ANKRD6: variants seen among roughly 807,000 people sequenced by gnomAD.
ANKRD6 encodes ankyrin repeat domain-containing protein 6.
ANKRD6 carries 56 observed loss-of-function variants against 82.3 expected under a neutral mutation model. That is an observed-to-expected ratio of 0.68 (90% CI 0.55 to 0.85). ANKRD6 has a LOEUF of 0.85. Among genes scored for constraint, ANKRD6 ranks in the 40% least tolerant of loss-of-function variants. The pLI, the probability that ANKRD6 is intolerant of heterozygous loss-of-function variation, is 0.00. For synonymous variants in ANKRD6, 347 were observed against 352.1 expected (o/e 0.99, Z 0.16); for missense variants, 852 against 907.6 (o/e 0.94, Z 0.79).
intron 2 of ANKRD6, among the ~76,000 whole-genome samples, chr6:89,574,044 A>T (rs916476776): frequency 6.6e-6 from 1 of 152,220 alleles, no homozygotes. Context: ...GACCTGGGTC[A>T]TAGTGTCTCT....
intron 8 of ANKRD6, among the ~76,000 whole-genome samples, chr6:89,617,533 C>G (rs1801895485): frequency 6.6e-6 from 1 of 152,206 alleles, no homozygotes; most frequent in Non-Finnish European, 1.5e-5. Flanking sequence ...CACTGTTTTC[C>G]AGGGGAGATT....
chr6:89,479,443 G>A (rs551380208), intron 1 of ANKRD6, among the ~76,000 whole-genome samples: 1 of 152,112 alleles, frequency 6.6e-6, no homozygotes, highest in African/African-American at 2.4e-5. Flanking sequence ...CTACCAGATG[G>A]AGCTTTCCTG....
Position 89,632,231 on chromosome 6 carries a change from A to G in ANKRD6, c.*1227A>G, listed in dbSNP as rs895506401. ...GTAATAAAATGCTGCTCATTGAGCCAAAGAGAAGAAATGATTTATTAACAT... is the reference window on the plus strand; with the variant it reads ...GTAATAAAATGCTGCTCATTGAGCCGAAGAGAAGAAATGATTTATTAACAT... On this transcript the variant is annotated 3_prime_UTR_variant, in exon 16 of 16. Coordinates refer to ENST00000339746, the MANE Select transcript of ANKRD6 (RefSeq NM_001242809.2). The G allele has an allele frequency of 6.6e-6, 1 of 152,240 alleles. No homozygotes were observed. The highest frequency in any genetic ancestry group is 1.5e-5 in the Non-Finnish European group (1 of 68,042). 9.4% of individuals were successfully genotyped at this position (152,240 alleles called of 1,614,324 possible).
At chr6:89,503,605 A>G (rs1779499022) in intron 1 of ANKRD6, among the ~76,000 whole-genome samples, 1 of 152,236 alleles carries the variant, frequency 6.6e-6, no homozygotes, top group Admixed American at 6.5e-5. Flanking sequence ...TGTGGCTGAT[A>G]TAGGCTTGAA....
chr6:89,496,945 C>T (rs1430757816), intron 1 of ANKRD6, among the ~76,000 whole-genome samples: 1 of 152,046 alleles, frequency 6.6e-6, no homozygotes, highest in Non-Finnish European at 1.5e-5. Flanking sequence ...AAAATTATTC[C>T]ACTTCTTACT....
At chr6:89,513,425 G>A (rs1422571741) in intron 1 of ANKRD6, among the ~76,000 whole-genome samples, 2 of 151,972 alleles carry the variant, frequency 1.3e-5, no homozygotes, top group African/African-American at 2.4e-5. Flanking sequence ...TAATGCAATC[G>A]ATGACTTTTG....
intron 1 of ANKRD6, among the ~76,000 whole-genome samples, chr6:89,557,224 C>T (rs1023781216): frequency 1.3e-5 from 2 of 151,886 alleles, no homozygotes; most frequent in African/African-American, 2.4e-5. Context: ...CTTCAGAGAA[C>T]GTGATTGAGG....
intron 3 of ANKRD6, among the ~76,000 whole-genome samples, chr6:89,599,871 A>G (rs1045286991): frequency 5.8e-4 from 88 of 151,974 alleles, no homozygotes; most frequent in African/African-American, 2.1e-3. Flanking sequence ...AAGGACAGCC[A>G]CTTTTGGTAG....
At chr6:89,592,224 A>T (rs1380493500) in intron 2 of ANKRD6, among the ~76,000 whole-genome samples, 1 of 151,952 alleles carries the variant, frequency 6.6e-6, no homozygotes, top group Non-Finnish European at 1.5e-5. Flanking sequence ...GAAATATCTC[A>T]CTGGTCTTTG....
chr6:89,542,368 A>G (rs760406096), intron 1 of ANKRD6, among the ~76,000 whole-genome samples: 10 of 152,218 alleles, frequency 6.6e-5, no homozygotes, highest in Non-Finnish European at 1.2e-4. Flanking sequence ...ATTATTGTCA[A>G]GAGCCATTAG....
At chr6:89,551,974 C>T (rs1186548378) in intron 1 of ANKRD6, among the ~76,000 whole-genome samples, 1 of 152,154 alleles carries the variant, frequency 6.6e-6, no homozygotes, top group East Asian at 1.9e-4. Context: ...AAAGATGTGG[C>T]AGAATTTTGA....
intron 1 of ANKRD6, among the ~76,000 whole-genome samples, chr6:89,467,243 A>G (rs1396913008): frequency 6.6e-6 from 1 of 152,172 alleles, no homozygotes; most frequent in Admixed American, 6.5e-5. Context: ...ATTAAGCTTC[A>G]TTCATGAGGT....
chr6:89,546,829 T>C (rs560111338), intron 1 of ANKRD6, among the ~76,000 whole-genome samples: 1 of 152,206 alleles, frequency 6.6e-6, no homozygotes, highest in Non-Finnish European at 1.5e-5. Context: ...GAGATGTCCC[T>C]GTTTCATAGG....
intron 1 of ANKRD6, among the ~76,000 whole-genome samples, chr6:89,471,790 C>T (rs971091986): frequency 3.3e-5 from 5 of 151,102 alleles, no homozygotes; most frequent in South Asian, 2.1e-4. Flanking sequence ...GTGGGGTGGC[C>T]GAAGGAAAGC....
intron 1 of ANKRD6, among the ~76,000 whole-genome samples, chr6:89,474,489 C>T (rs142142701): frequency 0.056 from 8,459 of 152,246 alleles, 263 homozygotes; most frequent in South Asian, 0.13. Context: ...GGGATCTCGG[C>T]TCACTGCAAG....
At chr6:89,613,149 C>G (rs1471233702) in intron 6 of ANKRD6, among the ~76,000 whole-genome samples, 1 of 152,206 alleles carries the variant, frequency 6.6e-6, no homozygotes, top group African/African-American at 2.4e-5. Context: ...TTTGTGGGAA[C>G]AGGGTTCTGC....
chr6:89,563,234 C>T (rs754102303), intron 1 of ANKRD6, among the ~76,000 whole-genome samples: 1 of 152,138 alleles, frequency 6.6e-6, no homozygotes, highest in Admixed American at 6.5e-5. Flanking sequence ...GTGTGACCCT[C>T]TGGTATTTGT....
intron 2 of ANKRD6, among the ~76,000 whole-genome samples, chr6:89,591,344 C>T (rs575709913): frequency 4.2e-4 from 64 of 152,250 alleles, no homozygotes; most frequent in Middle Eastern, 3.4e-3. Context: ...TCAAGTGATC[C>T]ACCCGCCTTG....
At chr6:89,500,972 CTTTTT>C (rs35877637) in intron 1 of ANKRD6, among the ~76,000 whole-genome samples, 18 of 121,818 alleles carry the variant, frequency 1.5e-4, no homozygotes, top group African/African-American at 5.2e-4. Context: ...CCCAATTAGT[CTTTTT>C]TTTTTTTTTT....
Sources: gnomAD v4.1 joint callset for allele counts (sites outside exome capture counted in the v4.1 genomes callset) on GRCh38, gnomAD v4.1.1 for gene constraint, MANE v1.5 for transcripts, NCBI Gene and HGNC (gene_info 2026-07-23, HGNC 2026-07-21) for gene names.